Variants in OR51L1 observed in about 807,000 individuals in gnomAD.
The protein encoded by OR51L1 is olfactory receptor family 51 subfamily L member 1, also known as olfactory receptor 51L1.
In OR51L1, 1 loss-of-function variant was observed where a neutral mutation model predicts 1.4. That is an observed-to-expected ratio of 0.72 (90% confidence interval 0.26 to 3.42). The LOEUF is 3.42. Among genes scored for constraint, OR51L1 ranks in the 30% most tolerant of loss-of-function variants. The pLI is 0.20. For missense variants in OR51L1, 378 were observed against 380.0 expected, an observed-to-expected ratio of 0.99 and a Z score of 0.04; for synonymous variants, 156 against 144.2, an observed-to-expected ratio of 1.08 and a Z score of -0.59.
Position 5,000,141 on chromosome 11 carries a change from C to A in OR51L1, c.*211C>A. ...CTATGGCCTTACGTTGTCCCCAGGT[C>A]ATTACAAGACTTATAATAGAAAATG... On this transcript the variant is annotated 3_prime_UTR_variant, in exon 3 of 3. Coordinates refer to ENST00000641819, the MANE Select transcript of OR51L1 (RefSeq NM_001004755.2). 1 of 465,280 alleles carries A rather than the reference C, an allele frequency of 2.1e-6. No homozygotes were observed. The highest frequency in any genetic ancestry group is 3.2e-5 in the East Asian group (1 of 31,450). The allele number at this position is 465,280 out of a possible 1,614,324, so 28.8% of individuals were successfully genotyped here.
rs1847146232 is a variant in OR51L1, at chr11:5,003,133, A to T, written c.*3203A>T. 1 of 152,214 alleles carries T rather than the reference A, an allele frequency of 6.6e-6. No homozygotes were observed. The highest frequency in any genetic ancestry group is 6.5e-5 in the Admixed American group (1 of 15,270). The allele number at this position is 152,214 out of a possible 1,614,324, so 9.4% of individuals were successfully genotyped here. On this transcript the variant is annotated 3_prime_UTR_variant, in exon 3 of 3. Transcript: ENST00000641819. Reference sequence around the variant, plus strand: ...TATTTAAAAATGCTTTAGAAGAGGAAAAAAGGAAAGTACGCTTGGAAGAGA... The same window carrying T: ...TATTTAAAAATGCTTTAGAAGAGGATAAAAGGAAAGTACGCTTGGAAGAGA...
intron 1 of OR51L1, among the ~76,000 whole-genome samples, chr11:4,996,402 G>T (rs999980175): frequency 6.6e-6 from 1 of 152,046 alleles, no homozygotes; most frequent in East Asian, 1.9e-4. Flanking sequence ...ATTCCTGCCT[G>T]TCCTAACCTC....
intron 1 of OR51L1, among the ~76,000 whole-genome samples, chr11:4,996,817 CTGTG>C (rs147951127): frequency 4.3e-4 from 63 of 147,882 alleles, no homozygotes; most frequent in Non-Finnish European, 1.6e-4. Flanking sequence ...CTCTCTCACT[CTGTG>C]TGTGTGTGTG....
rs1401892416 is a variant in OR51L1 at position 4,999,501 on chromosome 11, C to A, written c.519C>A (p.Gly173=). 3 of 1,613,948 alleles carry A rather than the reference C, an allele frequency of 1.9e-6. No homozygotes were observed. The highest frequency in any genetic ancestry group is 2.5e-6 in the Non-Finnish European group (3 of 1,180,008). ...TGAGACACTATCACTACTGCCATGG[C>A]AATGCCCTCTCTCACGCCTTCTGTT... The part of the protein sequence containing the change: ...LLLRHYHYCH[G]NALSHAFCLH... Residue 173 remains glycine (G), a synonymous_variant, in exon 3 of 3, where the codon GGC becomes GGA. Coordinates refer to ENST00000641819, the MANE Select transcript of OR51L1 (RefSeq NM_001004755.2).
intron 1 of OR51L1, among the ~76,000 whole-genome samples, chr11:4,995,547 G>T (rs919033544): frequency 6.6e-6 from 1 of 151,976 alleles, no homozygotes; most frequent in Non-Finnish European, 1.5e-5. Flanking sequence ...TAAGATAAGC[G>T]ATAAGCTGAT....
rs533303650 is a variant in OR51L1 at position 4,998,892 on chromosome 11, C to T, written c.-91C>T. 23 of 1,389,730 alleles carry T rather than the reference C, an allele frequency of 1.7e-5. No individual in the cohort carries two copies. The East Asian group carries it at 5.0e-4, about 30-fold the overall frequency. The allele number at this position is 1,389,730 out of a possible 1,614,324, so 86.1% of individuals were successfully genotyped here. A position where few individuals can be genotyped will look rare whatever the true frequency, so the allele number is the denominator to read the frequency against. On this transcript the variant is annotated 5_prime_UTR_variant, in exon 3 of 3. Coordinates refer to ENST00000641819, the MANE Select transcript of OR51L1 (RefSeq NM_001004755.2). ...GAAAGATGTATTTTTGTCCTCATTCCATTATTTGTACTCAAAAGAGATAAC... is the reference window on the plus strand; with the variant it reads ...GAAAGATGTATTTTTGTCCTCATTCTATTATTTGTACTCAAAAGAGATAAC...
In OR51L1 at chr11:4,999,535, G is replaced by C. The variant is rs984606227; in HGVS notation, c.553G>C (p.Asp185His). 2.5e-6 allele frequency: 4 copies of C among 1,613,810 alleles called. No individual in the cohort carries two copies. The African/African-American group carries it at 5.3e-5, about 22-fold the overall frequency. Residue 185 changes from aspartate (D) to histidine (H), a missense_variant, in exon 3 of 3, where the codon GAT becomes CAT. Asp to His is a moderately conservative substitution (Grantham distance 81). Coordinates refer to ENST00000641819, the MANE Select transcript of OR51L1 (RefSeq NM_001004755.2). The stretch of plus-strand genomic sequence containing the variant: ...CTCTCACGCCTTCTGTTTGCACCAG[G>C]ATGTTCTAAGATTATCCTGTACAGA... ...ALSHAFCLHQ[D>H]VLRLSCTDAR...
chr11:5,001,827 T>C lies in OR51L1; in HGVS notation c.*1897T>C, dbSNP rs1847134158. ...GTACTCATTAAATAATTGAAATAAC[T>C]ATTATAGTTATTGCTGTTAGTACTG... On this transcript the variant is annotated 3_prime_UTR_variant, in exon 3 of 3. Coordinates refer to ENST00000641819, the MANE Select transcript of OR51L1 (RefSeq NM_001004755.2). 1.3e-5 allele frequency: 2 copies of C among 152,188 alleles called. No homozygotes were observed. The highest frequency in any genetic ancestry group is 2.9e-5 in the Non-Finnish European group (2 of 68,036). 9.4% of individuals were successfully genotyped at this position (152,188 alleles called of 1,614,324 possible).
rs1407111515 is a variant in OR51L1, at chr11:5,002,982, T to C, written c.*3052T>C. 1.3e-5 allele frequency: 2 copies of C among 152,166 alleles called. No homozygotes were observed. The highest frequency in any genetic ancestry group is 4.8e-5 in the African/African-American group (2 of 41,442). The allele number at this position is 152,166 out of a possible 1,614,324, so 9.4% of individuals were successfully genotyped here. ...TATTACTGGTGGAAGGTATTCAAGT[T>C]ACCAGTGGCAAATCCATACGGGTCT... On this transcript the variant is annotated 3_prime_UTR_variant, in exon 3 of 3. Transcript: ENST00000641819.
Position 4,999,582 on chromosome 11 carries a change from T to C in OR51L1, c.600T>C (p.Tyr200=), listed in dbSNP as rs1320521405. 4 of 1,613,926 alleles carry C rather than the reference T, an allele frequency of 2.5e-6. No homozygotes were observed. Among genetic ancestry groups the C allele is most frequent in the Middle Eastern group, 1.6e-4 (1 of 6,080 alleles). The change falls in exon 3 of 3, where the codon TAT becomes TAC. Residue 200 remains tyrosine, a synonymous_variant. Coordinates refer to ENST00000641819, the MANE Select transcript of OR51L1 (RefSeq NM_001004755.2). ...CAGATGCCAGGACCAACAGTATTTA[T>C]GGGCTTTGTGTAGTCATTGCCACAC... ...SCTDARTNSI[Y]GLCVVIATLG... is the part of the protein sequence containing the mutation.
At chr11:4,996,725 C>CT (rs374401226) in intron 1 of OR51L1, among the ~76,000 whole-genome samples, 10,246 of 79,106 alleles carry the variant, frequency 0.13, 437 homozygotes, top group South Asian at 0.18. Context: ...CTTTTCTTTT[C>CT]TTTCTTTCTT....
rs1165903098 is a variant in OR51L1 at position 4,999,717 on chromosome 11, C to A, written c.735C>A (p.Ser245=). The A allele has an allele frequency of 6.2e-7, 1 of 1,613,842 alleles. No individual in the cohort carries two copies. Among genetic ancestry groups the A allele is most frequent in the South Asian group, 1.1e-5 (1 of 91,056 alleles). The change falls in exon 3 of 3, where the codon TCC becomes TCA. Residue 245 remains serine (S), a synonymous_variant. Transcript: ENST00000641819. ...TAAAGGCACTCAACACATGTGTATC[C>A]CATATCTGTGTGGTGCTTATCTTCT... ...EQLKALNTCV[S]HICVVLIFFV... is the part of the protein sequence containing the mutation.
intron 2 of OR51L1, among the ~76,000 whole-genome samples, chr11:4,998,244 C>T (rs1421457732): frequency 7.9e-5 from 12 of 151,056 alleles, no homozygotes; most frequent in African/African-American, 2.9e-4. Flanking sequence ...CACGCATATA[C>T]ACTCACACAC....
rs1007639170 is a variant in OR51L1, at chr11:5,001,362, A to G, written c.*1432A>G. ...TGACGGAAAAGGGGAAAAATTGTAAAATATACATATATATTTTAAAGAAAA... is the reference window on the plus strand; with the variant it reads ...TGACGGAAAAGGGGAAAAATTGTAAGATATACATATATATTTTAAAGAAAA... On this transcript the variant is annotated 3_prime_UTR_variant, in exon 3 of 3. Transcript: ENST00000641819. 1 of 152,180 alleles carries G rather than the reference A, an allele frequency of 6.6e-6. No individual in the cohort carries two copies. Among genetic ancestry groups the G allele is most frequent in the African/African-American group, 2.4e-5 (1 of 41,428 alleles). The allele number at this position is 152,180 out of a possible 1,614,324, so 9.4% of individuals were successfully genotyped here.
chr11:4,996,323 T>TAC (rs1352054943), intron 1 of OR51L1, among the ~76,000 whole-genome samples: 1 of 152,024 alleles, frequency 6.6e-6, no homozygotes, highest in Admixed American at 6.6e-5. Context: ...TGCATATATA[T>TAC]ATATAAACAT....
Position 5,001,669 on chromosome 11 carries a change from T to C in OR51L1, c.*1739T>C, listed in dbSNP as rs1847132721. ...TCACTAGAATGAACTACAGATATGT[T>C]TTTATGGGTGATATTTTATTATTTC... On this transcript the variant is annotated 3_prime_UTR_variant, in exon 3 of 3. Transcript: ENST00000641819. 6.6e-6 allele frequency: 1 copy of C among 152,190 alleles called. No homozygotes were observed. Among genetic ancestry groups the C allele is most frequent in the African/African-American group, 2.4e-5 (1 of 41,440 alleles). The allele number at this position is 152,190 out of a possible 1,614,324, so 9.4% of individuals were successfully genotyped here.
At position 5,004,420 on chromosome 11, in the gene OR51L1, A is replaced by T. The variant is rs756510179; in HGVS notation, c.*4490A>T. The T allele has an allele frequency of 5.9e-5, 9 of 152,312 alleles. No homozygotes were observed. Among genetic ancestry groups the T allele is most frequent in the African/African-American group, 2.2e-4 (9 of 41,566 alleles). The allele number at this position is 152,312 out of a possible 1,614,324, so 9.4% of individuals were successfully genotyped here. ...ATCACAGTTTGGACTGACAAGCTGG[A>T]AACACCCCTCCAGGGTCCAAATAGG... On this transcript the variant is annotated 3_prime_UTR_variant, in exon 3 of 3. Coordinates refer to ENST00000641819, the MANE Select transcript of OR51L1 (RefSeq NM_001004755.2).
Position 4,998,922 on chromosome 11 carries a change from A to G in OR51L1, c.-61A>G. 3 of 1,540,358 alleles carry G rather than the reference A, an allele frequency of 1.9e-6. No homozygotes were observed. On this transcript the variant is annotated 5_prime_UTR_variant, in exon 3 of 3. Coordinates refer to ENST00000641819, the MANE Select transcript of OR51L1 (RefSeq NM_001004755.2). ...TTTGTACTCAAAAGAGATAACTTTGAGGGATCAGGAAGGAAAACACGAACC... is the reference window on the plus strand; with the variant it reads ...TTTGTACTCAAAAGAGATAACTTTGGGGGATCAGGAAGGAAAACACGAACC...
rs1847133816 is a variant in OR51L1 at position 5,001,794 on chromosome 11, A to G, written c.*1864A>G. On this transcript the variant is annotated 3_prime_UTR_variant, in exon 3 of 3. Coordinates refer to ENST00000641819, the MANE Select transcript of OR51L1 (RefSeq NM_001004755.2). The stretch of plus-strand genomic sequence containing the variant: ...CACTATACAGCTGGTCTTCCCCAAC[A>G]ATCATGAGTACTCATTAAATAATTG... 1 of 152,150 alleles carries G rather than the reference A, an allele frequency of 6.6e-6. No individual in the cohort carries two copies. The highest frequency in any genetic ancestry group is 2.4e-5 in the African/African-American group (1 of 41,412). 9.4% of individuals were successfully genotyped at this position (152,150 alleles called of 1,614,324 possible).
Sources: allele counts gnomAD v4.1 joint callset (sites outside exome capture counted in the v4.1 genomes callset), GRCh38; gene constraint gnomAD v4.1.1; transcripts MANE v1.5; gene names NCBI Gene and HGNC (gene_info 2026-07-23, HGNC 2026-07-21).